The following STXBP5 variants were observed in gnomAD, a reference collection of about 807,000 sequenced individuals.
The protein encoded by STXBP5 is syntaxin-binding protein 5.
Under a neutral mutation model 152.4 loss-of-function variants are expected in STXBP5, and 50 were observed. That is an observed-to-expected ratio of 0.33 (90% confidence interval 0.26 to 0.42). The LOEUF is 0.42. Among genes scored for constraint, STXBP5 ranks in the 10% least tolerant of loss-of-function variants. The probability of loss-of-function intolerance (pLI) is 1.00; values close to 1 mark genes in which losing one functional copy is unlikely to be tolerated. For synonymous variants in STXBP5, 492 were observed against 494.7 expected, an observed-to-expected ratio of 0.99 and a Z score of 0.07; for missense variants, 1,167 against 1,388.6, an observed-to-expected ratio of 0.84 and a Z score of 2.54.
intron 18 of STXBP5, among the ~76,000 whole-genome samples, chr6:147,331,902 G>A (rs1166039619): frequency 1.3e-5 from 2 of 150,868 alleles, no homozygotes; most frequent in East Asian, 3.9e-4. Flanking sequence ...TGTATAAAAT[G>A]CCTACAACAC....
At chr6:147,350,943 T>TA (rs1234072181) in intron 21 of STXBP5, among the ~76,000 whole-genome samples, 1 of 152,200 alleles carries the variant, frequency 6.6e-6, no homozygotes, top group Non-Finnish European at 1.5e-5. Context: ...AGTAGTTAGT[T>TA]AAAGTGGGTT....
At chr6:147,299,037 G>T (rs987511189) in intron 9 of STXBP5, among the ~76,000 whole-genome samples, 1 of 151,900 alleles carries the variant, frequency 6.6e-6, no homozygotes, top group African/African-American at 2.4e-5. Context: ...AACACAGTTT[G>T]TACAAAATAG....
intron 7 of STXBP5, among the ~76,000 whole-genome samples, chr6:147,268,447 G>C (rs2115375128): frequency 6.6e-6 from 1 of 152,230 alleles, no homozygotes; most frequent in East Asian, 1.9e-4. Context: ...TGAGACATCA[G>C]AACCTATTGA....
intron 8 of STXBP5, 97 bp from the exon 9 acceptor site, chr6:147,290,997 G>T: frequency 1.2e-6 from 1 of 854,268 alleles, no homozygotes; most frequent in South Asian, 2.2e-5. Context: ...TTTCATGGTG[G>T]ATTTCATTAT....
intron 27 of STXBP5, among the ~76,000 whole-genome samples, chr6:147,383,468 G>A (rs1176943398): frequency 1.3e-5 from 2 of 152,084 alleles, no homozygotes; most frequent in Non-Finnish European, 2.9e-5. Flanking sequence ...GTAGAGAGAT[G>A]CATTTTGCAA....
chr6:147,359,584 A>T (rs1267908188), intron 23 of STXBP5, among the ~76,000 whole-genome samples: 1 of 148,080 alleles, frequency 6.8e-6, no homozygotes, highest in Non-Finnish European at 1.5e-5. Flanking sequence ...AGCATTAGGT[A>T]TATCTCCCAA....
intron 14 of STXBP5, 25 bp downstream of exon 14, chr6:147,314,661 T>C (rs1253680780): frequency 5.7e-6 from 9 of 1,572,228 alleles, no homozygotes; most frequent in Non-Finnish European, 7.0e-6. Context: ...TATTCATTAT[T>C]TGTTATATGT....
chr6:147,245,506 T>C (rs1778768225), intron 4 of STXBP5, among the ~76,000 whole-genome samples: 1 of 152,178 alleles, frequency 6.6e-6, no homozygotes, highest in Non-Finnish European at 1.5e-5. Flanking sequence ...CTCAATCTTC[T>C]GTAGCCTGAA....
intron 22 of STXBP5, among the ~76,000 whole-genome samples, chr6:147,356,056 T>C (rs760931937): frequency 2.6e-5 from 4 of 152,264 alleles, no homozygotes; most frequent in Admixed American, 6.5e-5. Context: ...TCTTCCATTT[T>C]GATCTAGCTT....
intron 2 of STXBP5, among the ~76,000 whole-genome samples, chr6:147,212,034 A>C (rs1252570761): frequency 6.6e-6 from 1 of 152,212 alleles, no homozygotes; most frequent in Non-Finnish European, 1.5e-5. Context: ...TTAGCTCCTC[A>C]TTCAAGAGGA....
chr6:147,287,964 T>C (rs1351266210), intron 8 of STXBP5, among the ~76,000 whole-genome samples: 2 of 151,904 alleles, frequency 1.3e-5, no homozygotes, highest in Non-Finnish European at 2.9e-5. Flanking sequence ...TTTTTTTTTT[T>C]CTTCCTGTTT....
chr6:147,334,622 G>C (rs1193582607), intron 19 of STXBP5, among the ~76,000 whole-genome samples: 1 of 151,920 alleles, frequency 6.6e-6, no homozygotes, highest in Non-Finnish European at 1.5e-5. Context: ...TAGACTAGTT[G>C]TATGTATTTT....
intron 21 of STXBP5, among the ~76,000 whole-genome samples, chr6:147,341,908 C>G (rs568998076): frequency 1.1e-4 from 17 of 152,228 alleles, no homozygotes; most frequent in African/African-American, 3.6e-4. Context: ...ACACAATAAT[C>G]CCAGCGGGTT....
At chr6:147,336,916 G>T (rs576524934) in intron 19 of STXBP5, among the ~76,000 whole-genome samples, 3 of 152,080 alleles carry the variant, frequency 2.0e-5, no homozygotes, top group South Asian at 4.2e-4. Flanking sequence ...CAACTGTTTA[G>T]TTAATTAAAA....
intron 2 of STXBP5, among the ~76,000 whole-genome samples, chr6:147,222,287 C>G (rs959517836): frequency 6.6e-6 from 1 of 152,150 alleles, no homozygotes; most frequent in African/African-American, 2.4e-5. Flanking sequence ...TCTCTTCCAA[C>G]TGTATTTTTT....
intron 27 of STXBP5, among the ~76,000 whole-genome samples, chr6:147,384,305 T>G (rs1233332476): frequency 6.6e-6 from 1 of 152,118 alleles, no homozygotes; most frequent in Non-Finnish European, 1.5e-5. Context: ...TGAAATCAAG[T>G]AGGAAAAGTG....
chr6:147,298,484 T>G (rs1293053369), intron 9 of STXBP5, among the ~76,000 whole-genome samples: 2 of 152,062 alleles, frequency 1.3e-5, no homozygotes, highest in African/African-American at 2.4e-5. Flanking sequence ...ACGAAGTGGA[T>G]CTAACATACA....
intron 25 of STXBP5, among the ~76,000 whole-genome samples, chr6:147,366,967 A>C (rs1203927412): frequency 6.6e-6 from 1 of 152,240 alleles, no homozygotes; most frequent in African/African-American, 2.4e-5. Context: ...GCATGGAAAG[A>C]GACAGAAAAA....
chr6:147,287,954 T>TG (rs1443212470), intron 8 of STXBP5, among the ~76,000 whole-genome samples: 3 of 142,488 alleles, frequency 2.1e-5, no homozygotes, highest in Non-Finnish European at 4.5e-5. Context: ...GTCATTTTAC[T>TG]TTTTTTTTTT....
Sources: gnomAD v4.1 joint callset for allele counts (sites outside exome capture counted in the v4.1 genomes callset) on GRCh38, gnomAD v4.1.1 for gene constraint, MANE v1.5 for transcripts, NCBI Gene and HGNC (gene_info 2026-07-23, HGNC 2026-07-21) for gene names.